Variants in ZBTB10 observed in about 807,000 individuals in gnomAD.
ZBTB10 encodes zinc finger and BTB domain containing 10.
Under a neutral mutation model 76.4 loss-of-function variants are expected in ZBTB10, and 32 were observed. That is an observed-to-expected ratio of 0.42 (90% CI 0.32 to 0.56). The LOEUF is 0.56. Among genes scored for constraint, ZBTB10 ranks in the 20% least tolerant of loss-of-function variants. The pLI, the probability that ZBTB10 is intolerant of heterozygous loss-of-function variation, is 0.14. For missense variants in ZBTB10, 1,057 were observed against 1,098.5 expected, an observed-to-expected ratio of 0.96 and a Z score of 0.53; for synonymous variants, 523 against 432.9, an observed-to-expected ratio of 1.21 and a Z score of -2.58.
intron 1 of ZBTB10, among the ~76,000 whole-genome samples, chr8:80,496,759 C>T (rs537558606): frequency 6.3e-4 from 96 of 152,306 alleles, no homozygotes; most frequent in African/African-American, 2.2e-3. Context: ...GCTTGATATA[C>T]GGACTTTAGG....
intron 1 of ZBTB10, among the ~76,000 whole-genome samples, chr8:80,491,871 A>G (rs953245909): frequency 3.9e-5 from 6 of 152,216 alleles, no homozygotes; most frequent in Non-Finnish European, 8.8e-5. Context: ...ATGCATCCAA[A>G]TGTATTATTG....
At chr8:80,501,329 G>T (rs953954141) in intron 2 of ZBTB10, among the ~76,000 whole-genome samples, 1 of 152,216 alleles carries the variant, frequency 6.6e-6, no homozygotes, top group African/African-American at 2.4e-5. Flanking sequence ...CACATTTACA[G>T]TGGGAATTTT....
chr8:80,496,740 T>C (rs1815792862), intron 1 of ZBTB10, among the ~76,000 whole-genome samples: 3 of 152,196 alleles, frequency 2.0e-5, no homozygotes, highest in Admixed American at 2.0e-4. Context: ...TCCTGAAGTG[T>C]TTTCAACTGC....
rs571187208 is a variant in ZBTB10 at position 80,515,555 on chromosome 8, C to T, written c.1960+1547C>T. 5.9e-5 allele frequency among the ~76,000 whole-genome samples: 9 copies of T among 152,264 alleles called. No homozygotes were observed. The South Asian group carries it at 8.3e-4, about 14-fold the overall frequency. On this transcript the variant is annotated intron_variant, in intron 3 of 5. Transcript: ENST00000455036. Reference sequence around the variant, plus strand: ...TGCTCGTACAGAAAGTTGCTAACCGCGCAAGAAGATGTTACTGCACTTGCT... The same window carrying T: ...TGCTCGTACAGAAAGTTGCTAACCGTGCAAGAAGATGTTACTGCACTTGCT...
chr8:80,523,359 A>G lies in ZBTB10; in HGVS notation c.*3831A>G, dbSNP rs1287802543. On this transcript the variant is annotated 3_prime_UTR_variant, in exon 6 of 6. Transcript: ENST00000455036. ...TTTGAGTGTCTTTCCTCCCCCCAATAAATTTCCTTACTACTCTTTCTTCAT... is the reference window on the plus strand; with the variant it reads ...TTTGAGTGTCTTTCCTCCCCCCAATGAATTTCCTTACTACTCTTTCTTCAT... 4 of 151,934 alleles carry G rather than the reference A, an allele frequency of 2.6e-5. No homozygotes were observed. The East Asian group carries it at 7.7e-4, about 29-fold the overall frequency. 9.4% of individuals were successfully genotyped at this position (151,934 alleles called of 1,614,324 possible).
chr8:80,496,369 C>CTTT (rs537668345), intron 1 of ZBTB10, among the ~76,000 whole-genome samples: 2 of 127,274 alleles, frequency 1.6e-5, no homozygotes, highest in African/African-American at 5.7e-5. Flanking sequence ...TATGTGGTTT[C>CTTT]TTTTTTTTTT....
intron 2 of ZBTB10, among the ~76,000 whole-genome samples, chr8:80,504,907 ATGT>A (rs1208813030): frequency 6.6e-6 from 1 of 152,230 alleles, no homozygotes; most frequent in Non-Finnish European, 1.5e-5. Context: ...GTATTCACAC[ATGT>A]TGTGTCCCGT....
chr8:80,510,321 G>A (rs546325048), intron 2 of ZBTB10, among the ~76,000 whole-genome samples: 75 of 152,294 alleles, frequency 4.9e-4, no homozygotes, highest in African/African-American at 1.7e-3. Flanking sequence ...CAGGCCCTGA[G>A]GCTTGGTGCT....
chr8:80,519,704 A>G lies in ZBTB10; in HGVS notation c.*176A>G, dbSNP rs938354839. On this transcript the variant is annotated 3_prime_UTR_variant, in exon 6 of 6. Coordinates refer to ENST00000455036, the MANE Select transcript of ZBTB10 (RefSeq NM_001105539.3). ...AAAAAATTTTTTTTTATATTTGCAC[A>G]GGACTATACAGCAAACAACCATGTG... is the stretch of plus-strand genomic sequence containing the variant. 1.4e-5 allele frequency: 8 copies of G among 587,002 alleles called. No individual in the cohort carries two copies. Among genetic ancestry groups the G allele is most frequent in the Non-Finnish European group, 2.4e-5 (8 of 339,298 alleles). 36.4% of individuals were successfully genotyped at this position (587,002 alleles called of 1,614,324 possible).
chr8:80,490,575 T>C (rs1397551571), intron 1 of ZBTB10, among the ~76,000 whole-genome samples: 1 of 152,196 alleles, frequency 6.6e-6, no homozygotes, highest in Non-Finnish European at 1.5e-5. Flanking sequence ...GTTCTCCTTT[T>C]TATACCTTCA....
At chr8:80,485,663 C>T (rs1464055228), upstream of ZBTB10, 5 of 803,892 alleles carry the variant, frequency 6.2e-6, no homozygotes, top group African/African-American at 1.8e-5. Flanking sequence ...TCGCACAATG[C>T]ATCAAAGGAG....
chr8:80,493,207 G>GCGCGCGCGCGCGCACACACA (rs375071529), intron 1 of ZBTB10, among the ~76,000 whole-genome samples: 15 of 125,242 alleles, frequency 1.2e-4, no homozygotes, highest in South Asian at 5.7e-4. Context: ...GCGCGCGCGC[G>GCGCGCGCGCGCGCACACACA]CACACACACA....
At chr8:80,508,181 G>C (rs1344393483) in intron 2 of ZBTB10, among the ~76,000 whole-genome samples, 2 of 152,170 alleles carry the variant, frequency 1.3e-5, no homozygotes, top group African/African-American at 2.4e-5. Context: ...TCTTATGTGG[G>C]TCAGTTAAGG....
chr8:80,504,000 G>T (rs892485900), intron 2 of ZBTB10, among the ~76,000 whole-genome samples: 22 of 152,278 alleles, frequency 1.4e-4, no homozygotes, highest in African/African-American at 4.8e-4. Context: ...AACATAGCCT[G>T]TGTTTACCAA....
At chr8:80,489,638 C>T (rs1266365845) in intron 1 of ZBTB10, among the ~76,000 whole-genome samples, 1 of 151,578 alleles carries the variant, frequency 6.6e-6, no homozygotes, top group Non-Finnish European at 1.5e-5. Context: ...GTGTATTCTT[C>T]TCCTCTGGGT....
intron 3 of ZBTB10, among the ~76,000 whole-genome samples, 196 bp downstream of exon 3, chr8:80,514,204 G>T (rs1408067325): frequency 1.3e-5 from 2 of 152,318 alleles, no homozygotes; most frequent in East Asian, 3.9e-4. Flanking sequence ...ATGTTTGACG[G>T]AGTCATTTGT....
Position 80,500,077 on chromosome 8 carries a change from A to T in ZBTB10, c.1556A>T (p.Asp519Val), listed in dbSNP as rs573473160. The T allele has an allele frequency of 8.7e-6, 14 of 1,613,982 alleles. No individual in the cohort carries two copies. Among genetic ancestry groups the T allele is most frequent in the Non-Finnish European group, 1.2e-5 (14 of 1,179,884 alleles). ...NLASNVKIEN[D>V]GCNVDEGQIE... ...GCAAGTAATGTAAAGATTGAAAATG[A>T]TGGTTGTAATGTCGACGAGGGCCAA... The change falls in exon 2 of 6, where the codon GAT becomes GTT. Residue 519 changes from aspartate (D) to valine (V), a missense_variant. This residue lies in a region of ZBTB10 where 306 missense variants were observed against 297.5 expected (regional missense o/e 1.03). Coordinates refer to ENST00000455036, the MANE Select transcript of ZBTB10 (RefSeq NM_001105539.3).
At chr8:80,505,165 A>G (rs896687914) in intron 2 of ZBTB10, among the ~76,000 whole-genome samples, 1 of 152,212 alleles carries the variant, frequency 6.6e-6, no homozygotes, top group Non-Finnish European at 1.5e-5. Flanking sequence ...AGTGCTCATC[A>G]TGGATATAAA....
intron 1 of ZBTB10, among the ~76,000 whole-genome samples, chr8:80,488,046 C>CAG (rs3063340): frequency 0.45 from 68,237 of 151,848 alleles, 19,589 homozygotes; most frequent in African/African-American, 0.82. Flanking sequence ...TTTTATGACT[C>CAG]ATTTCTTATC....
Sources: allele counts gnomAD v4.1 joint callset (sites outside exome capture counted in the v4.1 genomes callset), GRCh38; gene constraint gnomAD v4.1.1; regional missense constraint gnomAD v4.1.1; transcripts MANE v1.5; gene names NCBI Gene and HGNC (gene_info 2026-07-23, HGNC 2026-07-21).